Variants in NFIB observed in about 807,000 individuals in gnomAD.
NFIB encodes the protein nuclear factor 1 B-type.
In NFIB, 11 loss-of-function variants were observed where a neutral mutation model predicts 61.5. The ratio of observed to expected loss-of-function variants is 0.18; its 90% confidence interval spans 0.11 to 0.30. NFIB has a LOEUF of 0.30. NFIB is among the 10% of genes least tolerant of loss of function. The probability of loss-of-function intolerance (pLI) is 1.00; values close to 1 mark genes in which losing one functional copy is unlikely to be tolerated. For missense variants in NFIB, 471 were observed against 608.9 expected (o/e 0.77, Z 2.38); for synonymous variants, 260 against 216.5 (o/e 1.20, Z -1.76).
intron 4 of NFIB, among the ~76,000 whole-genome samples, chr9:14,150,875 C>G (rs772527585): frequency 6.6e-6 from 1 of 151,940 alleles, no homozygotes; most frequent in Admixed American, 6.6e-5. Context: ...GATGGATACC[C>G]CATTTACCCT....
chr9:14,102,444 T>C (rs2118847939), intron 10 of NFIB: 1 of 1,550,372 alleles, frequency 6.5e-7, no homozygotes, highest in Non-Finnish European at 8.7e-7. Flanking sequence ...ATTCCCAATG[T>C]ATCCTCACTG....
the NFIB span, among the ~76,000 whole-genome samples, chr9:14,491,276 A>C: frequency 2.6e-5 from 4 of 152,192 alleles, no homozygotes; most frequent in African/African-American, 7.2e-5. Context: ...GAAAGAGTGC[A>C]CATAGGCTTT....
chr9:14,330,779 A>G (rs978786061), intron 1 of NFIB, among the ~76,000 whole-genome samples: 4 of 152,104 alleles, frequency 2.6e-5, no homozygotes, highest in African/African-American at 9.7e-5. Context: ...CATTATGTAC[A>G]TGTTGAGTCT....
At chr9:14,364,660 A>C (rs746816067) in intron 1 of NFIB, among the ~76,000 whole-genome samples, 14 of 152,304 alleles carry the variant, frequency 9.2e-5, no homozygotes, top group African/African-American at 3.4e-4. Context: ...TCTAGTCTTC[A>C]AAGGTGTGTG....
At chr9:14,525,760 C>T in the NFIB span, among the ~76,000 whole-genome samples, 1 of 152,134 alleles carries the variant, frequency 6.6e-6, no homozygotes, top group Non-Finnish European at 1.5e-5. Context: ...GCAGTTCCCA[C>T]AAAAATGTTC....
At chr9:14,481,112 A>T in the NFIB span, among the ~76,000 whole-genome samples, 1 of 148,470 alleles carries the variant, frequency 6.7e-6, no homozygotes. Context: ...ACTCCCCCAG[A>T]AGTTGCTCTC....
chr9:14,322,044 G>T, intron 1 of NFIB: 1 of 1,208,684 alleles, frequency 8.3e-7, no homozygotes, highest in Non-Finnish European at 1.0e-6. Flanking sequence ...ATTTTCTCAG[G>T]GGTTGTTTTG....
chr9:14,392,488 G>A (rs1304045633), intron 1 of NFIB, among the ~76,000 whole-genome samples: 3 of 152,176 alleles, frequency 2.0e-5, no homozygotes, highest in Non-Finnish European at 4.4e-5. Context: ...AGCACTTTGG[G>A]AGGCCAAGGC....
Position 14,313,226 on chromosome 9 carries a change from A to AC in NFIB, c.30+255dup, listed in dbSNP as rs537750667. Among the ~76,000 whole-genome samples, 2 of 151,318 alleles carry AC rather than the reference A, an allele frequency of 1.3e-5. No homozygotes were observed. Among genetic ancestry groups the AC allele is most frequent in the South Asian group, 2.1e-4 (1 of 4,790 alleles). On this transcript the variant is annotated intron_variant, in intron 1 of 10. Transcript: ENST00000380953. This position sits in a 1 kb window ranked among gnomAD's most constrained non-coding sequence, Gnocchi z 4.5. ...GCACTTACAGGTCCCGGCCCTGCCC[A>AC]CCCCCCGGCGGCCTTGCCCGGCCCA...
chr9:14,176,045 A>C (rs533361199), intron 3 of NFIB, among the ~76,000 whole-genome samples: 1 of 152,292 alleles, frequency 6.6e-6, no homozygotes, highest in East Asian at 1.9e-4. Context: ...CAAAATAATA[A>C]AGCAAGTCAA....
At chr9:14,197,837 G>A (rs745972122) in intron 2 of NFIB, among the ~76,000 whole-genome samples, 14 of 152,114 alleles carry the variant, frequency 9.2e-5, no homozygotes, top group Non-Finnish European at 1.5e-4. Context: ...CTCACTCTAC[G>A]AATGCTACAA....
chr9:14,236,290 C>G (rs10961443), intron 2 of NFIB, among the ~76,000 whole-genome samples: 38,833 of 152,164 alleles, frequency 0.26, 6,076 homozygotes, highest in Middle Eastern at 0.43. Flanking sequence ...CTTCTAACTT[C>G]TCTCTGCCCT....
At chr9:14,349,449 C>T (rs1211160624) in intron 1 of NFIB, among the ~76,000 whole-genome samples, 1 of 152,176 alleles carries the variant, frequency 6.6e-6, no homozygotes, top group Non-Finnish European at 1.5e-5. Context: ...CAAAGGCATT[C>T]CGCGTTATGT....
At chr9:14,136,971 T>G (rs2041121470) in intron 6 of NFIB, among the ~76,000 whole-genome samples, 1 of 152,120 alleles carries the variant, frequency 6.6e-6, no homozygotes, top group Non-Finnish European at 1.5e-5. Flanking sequence ...AAAAAGAACA[T>G]TCTGTCAATG....
At position 14,314,020 on chromosome 9, in the gene NFIB, C is replaced by T. The variant is rs1011898756; in HGVS notation, c.-509G>A. The stretch of plus-strand genomic sequence containing the variant: ...GGAGAGCGGGGAGAATGTGTCACCG[C>T]GCTGGGAAAGTTCAAGGTTACAGCC... On this transcript the variant is annotated 5_prime_UTR_variant, in exon 1 of 11. Coordinates refer to ENST00000380953, the MANE Select transcript of NFIB (RefSeq NM_001190737.2). 2.8e-6 allele frequency: 3 copies of T among 1,067,274 alleles called. No homozygotes were observed. The highest frequency in any genetic ancestry group is 3.4e-6 in the Non-Finnish European group (3 of 881,992). The allele number at this position is 1,067,274 out of a possible 1,614,324, so 66.1% of individuals were successfully genotyped here.
At chr9:14,221,565 T>G (rs1173759496) in intron 2 of NFIB, among the ~76,000 whole-genome samples, 2 of 152,184 alleles carry the variant, frequency 1.3e-5, no homozygotes, top group East Asian at 3.8e-4. Context: ...CATACCACAC[T>G]GCCCCTCAAG....
intron 2 of NFIB, chr9:14,204,734 A>C: frequency 1.7e-6 from 1 of 579,202 alleles, no homozygotes; most frequent in Non-Finnish European, 3.1e-6. Flanking sequence ...CATGGATCCC[A>C]TCGAGCTGGT....
chr9:14,467,673 T>C, the NFIB span, among the ~76,000 whole-genome samples: 1 of 152,232 alleles, frequency 6.6e-6, no homozygotes, highest in Non-Finnish European at 1.5e-5. Context: ...TATTTATTGA[T>C]TTGATATTCA....
intron 1 of NFIB, among the ~76,000 whole-genome samples, chr9:14,333,995 C>T (rs935370527): frequency 5.3e-5 from 8 of 152,192 alleles, no homozygotes; most frequent in Admixed American, 6.5e-5. Flanking sequence ...TGAATTATTT[C>T]GTTCAGCCTT....
Sources: allele counts gnomAD v4.1 joint callset (sites outside exome capture counted in the v4.1 genomes callset), GRCh38; gene constraint gnomAD v4.1.1; non-coding constraint Gnocchi (gnomAD v3.1); transcripts MANE v1.5; gene names NCBI Gene and HGNC (gene_info 2026-07-23, HGNC 2026-07-21).